The following SEC23A variants were observed in gnomAD, a reference collection of about 807,000 sequenced individuals.
SEC23A encodes the protein SEC23 homolog A, COPII component.
Under a neutral mutation model 103.7 loss-of-function variants are expected in SEC23A, and 56 were observed. The ratio of observed to expected loss-of-function variants is 0.54; its 90% CI spans 0.44 to 0.67. The LOEUF is 0.67. Among genes scored for constraint, SEC23A ranks in the 30% least tolerant of loss-of-function variants. The pLI is 0.00. For synonymous variants in SEC23A, 281 were observed against 293.0 expected, an observed-to-expected ratio of 0.96 and a Z score of 0.42; for missense variants, 784 against 936.4, an observed-to-expected ratio of 0.84 and a Z score of 2.12.
chr14:39,051,561 A>G (rs1339208196), intron 14 of SEC23A, among the ~76,000 whole-genome samples: 2 of 152,230 alleles, frequency 1.3e-5, no homozygotes, highest in East Asian at 3.8e-4. Context: ...AATTTTTGAA[A>G]TTGAGGTGTG....
At chr14:39,089,180 A>G (rs1174534116) in intron 5 of SEC23A, among the ~76,000 whole-genome samples, 1 of 151,150 alleles carries the variant, frequency 6.6e-6, no homozygotes, top group African/African-American at 2.4e-5. Context: ...AAAAAAAAAA[A>G]AAGAAAAAAA....
intron 14 of SEC23A, among the ~76,000 whole-genome samples, chr14:39,049,620 T>A (rs1048097691): frequency 3.3e-5 from 5 of 149,950 alleles, no homozygotes; most frequent in African/African-American, 1.2e-4. Flanking sequence ...CTACAAAAAA[T>A]TTTGAAAATT....
At chr14:39,040,449 AC>A in intron 18 of SEC23A, 1 of 424,896 alleles carries the variant, frequency 2.4e-6, no homozygotes, top group African/African-American at 2.0e-5. Flanking sequence ...TTCTTGTTCA[AC>A]CAAAGCTAGT....
chr14:39,095,800 A>G, intron 2 of SEC23A, 98 bp downstream of exon 2: 1 of 998,610 alleles, frequency 1.0e-6, no homozygotes, highest in Non-Finnish European at 1.5e-6. Context: ...AAAAATTAGT[A>G]TGAACAAAAA....
chr14:39,089,496 T>C (rs1359576427), intron 5 of SEC23A, among the ~76,000 whole-genome samples: 4 of 152,232 alleles, frequency 2.6e-5, no homozygotes, highest in East Asian at 3.9e-4. Context: ...AAGGAATCCC[T>C]ACTATGTCTT....
chr14:39,063,291 T>A (rs1487924143), intron 12 of SEC23A, 33 bp downstream of exon 12: 3 of 1,268,610 alleles, frequency 2.4e-6, no homozygotes. Flanking sequence ...ATGTACGTTG[T>A]ACGTTTTGAT....
chr14:39,072,682 C>CA (rs2139246691), intron 9 of SEC23A, among the ~76,000 whole-genome samples: 1 of 152,228 alleles, frequency 6.6e-6, no homozygotes, highest in East Asian at 1.9e-4. Context: ...GGTGTGGTAG[C>CA]ATGTGCCTGT....
chr14:39,055,469 G>A (rs112005159), intron 13 of SEC23A, among the ~76,000 whole-genome samples, 173 bp from the exon 14 acceptor site: 15 of 150,814 alleles, frequency 9.9e-5, no homozygotes, highest in Non-Finnish European at 1.2e-4. Context: ...GTGCAATGGC[G>A]CGATCTCAGC....
intron 1 of SEC23A, among the ~76,000 whole-genome samples, chr14:39,099,960 G>A (rs1888026640): frequency 6.6e-6 from 1 of 151,964 alleles, no homozygotes; most frequent in African/African-American, 2.4e-5. Context: ...CACTAAGAAA[G>A]GTTCCAGGAG....
intron 13 of SEC23A, among the ~76,000 whole-genome samples, chr14:39,058,055 T>A (rs1225855920): frequency 1.3e-5 from 2 of 152,274 alleles, no homozygotes; most frequent in Non-Finnish European, 2.9e-5. Flanking sequence ...AAATGCTGTA[T>A]AAATCCAACT....
chr14:39,097,107 T>A (rs1014488555), intron 1 of SEC23A, among the ~76,000 whole-genome samples: 3 of 152,194 alleles, frequency 2.0e-5, no homozygotes, highest in Non-Finnish European at 2.9e-5. Flanking sequence ...AAACTCCAAT[T>A]TGAGATATAA....
chr14:39,056,470 A>T (rs1003183547), intron 13 of SEC23A, among the ~76,000 whole-genome samples: 1 of 150,850 alleles, frequency 6.6e-6, no homozygotes, highest in Non-Finnish European at 1.5e-5. Flanking sequence ...TACTTAGACA[A>T]ATTAGCTTTT....
intron 19 of SEC23A, among the ~76,000 whole-genome samples, chr14:39,033,713 T>C (rs1885378697): frequency 3.4e-5 from 1 of 29,478 alleles, no homozygotes; most frequent in Non-Finnish European, 8.4e-5. Context: ...GGAAGCAAAC[T>C]CATAATATCA....
At chr14:39,093,341 G>C (rs760002164) in intron 2 of SEC23A, 97 bp from the exon 3 acceptor site, 7 of 983,598 alleles carry the variant, frequency 7.1e-6, no homozygotes, top group Admixed American at 6.7e-5. Flanking sequence ...CCTAAAACAT[G>C]AACATATTCA....
intron 17 of SEC23A, chr14:39,041,573 T>C (rs1885647634): frequency 6.6e-6 from 1 of 151,780 alleles, no homozygotes; most frequent in Non-Finnish European, 1.5e-5. Flanking sequence ...TTAAATCTTT[T>C]AAAACTCCTG....
chr14:39,053,268 T>G (rs969798462), intron 14 of SEC23A, among the ~76,000 whole-genome samples: 3 of 152,208 alleles, frequency 2.0e-5, no homozygotes, highest in Non-Finnish European at 2.9e-5. Flanking sequence ...AATAACAGAT[T>G]CTCTACAGAT....
chr14:39,051,216 AT>A (rs1289848321), intron 14 of SEC23A, among the ~76,000 whole-genome samples: 19 of 152,262 alleles, frequency 1.2e-4, no homozygotes, highest in African/African-American at 4.6e-4. Flanking sequence ...AAGAAACATC[AT>A]TTTTTGTGTA....
chr14:39,094,361 TAC>T (rs1316573240), intron 2 of SEC23A, among the ~76,000 whole-genome samples: 1 of 53,544 alleles, frequency 1.9e-5, no homozygotes, highest in African/African-American at 9.1e-5. Context: ...TATACACATA[TAC>T]ATATATATAT....
intron 1 of SEC23A, among the ~76,000 whole-genome samples, chr14:39,096,720 G>C (rs1887905543): frequency 6.6e-6 from 1 of 152,018 alleles, no homozygotes; most frequent in African/African-American, 2.4e-5. Context: ...GGATATATAG[G>C]AAAGAAATGC....
Sources: allele counts gnomAD v4.1 joint callset (sites outside exome capture counted in the v4.1 genomes callset), GRCh38; gene constraint gnomAD v4.1.1; transcripts MANE v1.5; gene names NCBI Gene and HGNC (gene_info 2026-07-23, HGNC 2026-07-21).